Variants in SYT17 observed in about 807,000 individuals in gnomAD.
SYT17 encodes the protein synaptotagmin 17, also known as synaptotagmin-17.
A neutral mutation model predicts 46.7 loss-of-function variants in SYT17; 22 were observed. The observed-to-expected ratio is 0.47, with a 90% CI of 0.34 to 0.67. SYT17 has a LOEUF of 0.67. Ranked by LOEUF, SYT17 falls within the 30% of genes least tolerant of loss-of-function variation. The pLI is 0.01. For synonymous variants in SYT17, 251 were observed against 248.4 expected, an observed-to-expected ratio of 1.01 and a Z score of -0.10; for missense variants, 519 against 612.8, an observed-to-expected ratio of 0.85 and a Z score of 1.62.
At chr16:19,178,283 C>T (rs1964400051) in intron 3 of SYT17, among the ~76,000 whole-genome samples, 1 of 151,696 alleles carries the variant, frequency 6.6e-6, no homozygotes, top group African/African-American at 2.4e-5. Context: ...GATGGGGTTT[C>T]ACCGTGTTAG....
intron 7 of SYT17, among the ~76,000 whole-genome samples, chr16:19,254,008 G>A (rs1968380164): frequency 6.6e-6 from 1 of 152,132 alleles, no homozygotes; most frequent in Non-Finnish European, 1.5e-5. Context: ...GGATTACAGG[G>A]GTGAACCACC....
intron 1 of SYT17, chr16:19,171,386 C>T (rs113545753): frequency 6.7e-4 from 103 of 153,310 alleles, no homozygotes; most frequent in African/African-American, 1.8e-3. Flanking sequence ...TGCAGTGGTG[C>T]GATCTCGGCT....
At chr16:19,266,727 A>G (rs1969384956) in intron 7 of SYT17, among the ~76,000 whole-genome samples, 153 bp from the exon 8 acceptor site, 1 of 152,114 alleles carries the variant, frequency 6.6e-6, no homozygotes, top group African/African-American at 2.4e-5. Flanking sequence ...CTCACCAAGA[A>G]AAGGAAAAAG....
At chr16:19,254,705 C>T (rs964566977) in intron 7 of SYT17, among the ~76,000 whole-genome samples, 10 of 152,164 alleles carry the variant, frequency 6.6e-5, no homozygotes, top group African/African-American at 2.4e-4. Context: ...CCAAGCGATG[C>T]CAGCTTCTCT....
chr16:19,220,320 T>TTTTTTTTTA, intron 5 of SYT17, among the ~76,000 whole-genome samples: 1 of 147,186 alleles, frequency 6.8e-6, no homozygotes, highest in Admixed American at 6.8e-5. Context: ...TTTTTTTTTT[T>TTTTTTTTTA]GAGATGAAGT....
chr16:19,183,911 C>G lies in SYT17; in HGVS notation c.715C>G (p.Gln239Glu). 1 of 1,614,214 alleles carries G rather than the reference C, an allele frequency of 6.2e-7. No individual in the cohort carries two copies. The highest frequency in any genetic ancestry group is 8.5e-7 in the Non-Finnish European group (1 of 1,180,050). Reference sequence around the variant, plus strand: ...CGTCAAGATCTGTCTCCTGCCAGACCAGAAGAACTCAAAGCAGACCGGGGT... The same window carrying G: ...CGTCAAGATCTGTCTCCTGCCAGACGAGAAGAACTCAAAGCAGACCGGGGT... ...PYVKICLLPD[Q>E]KNSKQTGVKR... The change falls in exon 5 of 8, where the codon CAG becomes GAG. Residue 239 changes from glutamine to glutamate, a missense_variant. Coordinates refer to ENST00000355377, the MANE Select transcript of SYT17 (RefSeq NM_016524.4). The surrounding 1 kb of genome is among the most constrained non-coding windows in gnomAD (Gnocchi z 5.6).
At chr16:19,259,484 A>G (rs1968811017) in intron 7 of SYT17, among the ~76,000 whole-genome samples, 1 of 152,186 alleles carries the variant, frequency 6.6e-6, no homozygotes, top group African/African-American at 2.4e-5. Context: ...AAATGGTTCC[A>G]TTCTATTGTA....
Position 19,224,836 on chromosome 16 carries a change from C to T in SYT17, c.1226C>T (p.Thr409Ile). The change falls in exon 7 of 8, where the codon ACA becomes ATA. Residue 409 changes from threonine to isoleucine, a missense_variant and splice_region_variant. Transcript: ENST00000355377. ...CTGGAAAATGCCAGCCTAGTGTTTACAGGTAGGTAGCATTCCAAAACCCGA... is the reference window on the plus strand; with the variant it reads ...CTGGAAAATGCCAGCCTAGTGTTTATAGGTAGGTAGCATTCCAAAACCCGA... Reference protein sequence around the residue: ...EELENASLVFTVFGHNMKSSN... With the variant: ...EELENASLVFIVFGHNMKSSN... 1 of 1,613,926 alleles carries T rather than the reference C, an allele frequency of 6.2e-7. No individual in the cohort carries two copies. Among genetic ancestry groups the T allele is most frequent in the Non-Finnish European group, 8.5e-7 (1 of 1,179,878 alleles).
chr16:19,205,232 C>T (rs992289583), intron 5 of SYT17, among the ~76,000 whole-genome samples: 1 of 152,306 alleles, frequency 6.6e-6, no homozygotes, highest in Middle Eastern at 3.4e-3. Flanking sequence ...CTGTATCTCC[C>T]TCCAACTTTA....
intron 7 of SYT17, among the ~76,000 whole-genome samples, chr16:19,261,640 C>T (rs1968982783): frequency 6.6e-6 from 1 of 152,128 alleles, no homozygotes; most frequent in Admixed American, 6.5e-5. Flanking sequence ...GGACATTTTC[C>T]TCTGTTTCCC....
chr16:19,247,182 C>G (rs1169630895), intron 7 of SYT17, among the ~76,000 whole-genome samples: 1 of 152,130 alleles, frequency 6.6e-6, no homozygotes, highest in African/African-American at 2.4e-5. Flanking sequence ...GTATAAAGCC[C>G]TCTCATTATT....
chr16:19,171,587 A>C (rs923072112), intron 1 of SYT17: 1 of 152,180 alleles, frequency 6.6e-6, no homozygotes, highest in African/African-American at 2.4e-5. Context: ...GGCCTCCCAA[A>C]GTACTGTGAT....
chr16:19,229,094 G>A (rs182821228), intron 7 of SYT17, among the ~76,000 whole-genome samples: 42 of 152,290 alleles, frequency 2.8e-4, no homozygotes, highest in Non-Finnish European at 5.3e-4. Context: ...ACAGCCCAGA[G>A]GGCTTCCAGG....
intron 1 of SYT17, chr16:19,172,386 A>G (rs1596881109): frequency 2.8e-6 from 4 of 1,405,030 alleles, no homozygotes; most frequent in Non-Finnish European, 3.7e-6. Flanking sequence ...GGTTGGCTAC[A>G]TGGCTATTTC....
intron 3 of SYT17, among the ~76,000 whole-genome samples, chr16:19,177,054 T>G (rs1964342017): frequency 6.6e-6 from 1 of 152,156 alleles, no homozygotes; most frequent in Admixed American, 6.5e-5. Context: ...TATCCAAATG[T>G]TGAGTGTTAC....
At chr16:19,220,303 C>CTTTTTTTTTTTTTTTTTTTTTTTTT (rs1555459738) in intron 5 of SYT17, among the ~76,000 whole-genome samples, 2 of 80,514 alleles carry the variant, frequency 2.5e-5, no homozygotes, top group African/African-American at 1.0e-4. Flanking sequence ...TTCTTTCTTT[C>CTTTTTTTTTTTTTTTTTTTTTTTTT]TTTTTTTTTT....
chr16:19,202,181 C>A (rs117806040), intron 5 of SYT17, among the ~76,000 whole-genome samples: 1 of 152,078 alleles, frequency 6.6e-6, no homozygotes, highest in Non-Finnish European at 1.5e-5. Context: ...TAAGATTGCC[C>A]CTGCTTCAGA....
At chr16:19,254,825 C>T (rs553058218) in intron 7 of SYT17, among the ~76,000 whole-genome samples, 8 of 152,310 alleles carry the variant, frequency 5.3e-5, no homozygotes, top group Admixed American at 6.5e-5. Context: ...TCCTTCTAGT[C>T]GGTGTGATTC....
intron 5 of SYT17, among the ~76,000 whole-genome samples, chr16:19,192,757 A>C (rs1234703956): frequency 6.6e-6 from 1 of 152,144 alleles, no homozygotes; most frequent in Non-Finnish European, 1.5e-5. Context: ...CCTTTGAGGA[A>C]ACTATAAACA....
Sources: gnomAD v4.1 joint callset for allele counts (sites outside exome capture counted in the v4.1 genomes callset) on GRCh38, gnomAD v4.1.1 for gene constraint, Gnocchi (gnomAD v3.1) non-coding constraint, MANE v1.5 for transcripts, NCBI Gene and HGNC (gene_info 2026-07-23, HGNC 2026-07-21) for gene names.